CFAP43: variants seen among roughly 807,000 people sequenced by gnomAD.
CFAP43 encodes cilia and flagella associated protein 43.
A neutral mutation model predicts 218.9 loss-of-function variants in CFAP43; 155 were observed. The observed-to-expected ratio is 0.71, with a 90% CI of 0.62 to 0.81. The LOEUF (loss-of-function observed/expected upper bound fraction) is 0.81, where lower values mean the gene tolerates loss of function less well. Among genes scored for constraint, CFAP43 ranks in the 30% least tolerant of loss-of-function variants. The pLI is 0.00. For missense variants in CFAP43, 1,778 were observed against 1,954.3 expected (o/e 0.91, Z 1.70); for synonymous variants, 645 against 681.3 (o/e 0.95, Z 0.83).
chr10:104,168,901 A>C, intron 20 of CFAP43, 53 bp from the exon 21 acceptor site: 1 of 1,401,092 alleles, frequency 7.1e-7, no homozygotes, highest in East Asian at 2.3e-5. Context: ...TGGACTCAGA[A>C]ATAATAATCT....
chr10:104,196,268 T>C (rs188888385), intron 10 of CFAP43, among the ~76,000 whole-genome samples: 5 of 152,364 alleles, frequency 3.3e-5, no homozygotes, highest in East Asian at 1.9e-4. Context: ...TTATAGTTGA[T>C]TGTGCCAATA....
At position 104,215,109 on chromosome 10, in the gene CFAP43, T is replaced by G. The variant is rs1317285962; in HGVS notation, c.417-683A>C. On this transcript the variant is annotated intron_variant, in intron 3 of 37. Coordinates refer to ENST00000357060, the MANE Select transcript of CFAP43 (RefSeq NM_025145.7). ...AAGATTGTGCCACTGCACTCCAGCC[T>G]GGGCAACAGAGCAAGACTCCATCTC... 2.0e-5 allele frequency among the ~76,000 whole-genome samples: 3 copies of G among 151,726 alleles called. No homozygotes were observed. In the East Asian group the frequency reaches 5.8e-4, roughly 29 times the overall value.
At chr10:104,139,467 A>C (rs1396095632) in intron 34 of CFAP43, among the ~76,000 whole-genome samples, 1 of 152,228 alleles carries the variant, frequency 6.6e-6, no homozygotes, top group African/African-American at 2.4e-5. Flanking sequence ...AAACAAATAA[A>C]AAATCTCAAA....
At chr10:104,142,433 G>T in intron 32 of CFAP43, 40 bp from the exon 33 acceptor site, 2 of 1,518,788 alleles carry the variant, frequency 1.3e-6, no homozygotes, top group Non-Finnish European at 1.8e-6. Context: ...AACATATGGA[G>T]CTTCAATTTT....
Position 104,193,907 on chromosome 10 carries a change from C to T in CFAP43, c.1401G>A (p.Val467=), listed in dbSNP as rs765634377. The change falls in exon 11 of 38, where the codon GTG becomes GTA. Residue 467 remains valine (V), a synonymous_variant. Coordinates refer to ENST00000357060, the MANE Select transcript of CFAP43 (RefSeq NM_025145.7). Reference sequence around the variant, plus strand: ...ACGATTCCGAGAGAAAGGCCTTGTGCACGACCTGAGGGGATTCCTTATCAT... The same window carrying T: ...ACGATTCCGAGAGAAAGGCCTTGTGTACGACCTGAGGGGATTCCTTATCAT... ...SVYDKESPQV[V]HKAFLSESSV... is the part of the protein sequence containing the mutation. 1 of 1,614,106 alleles carries T rather than the reference C, an allele frequency of 6.2e-7. No individual in the cohort carries two copies.
In CFAP43 at chr10:104,130,199, T is replaced by C; in HGVS notation, c.4938A>G (p.Ile1646Met). Residue 1646 changes from isoleucine (I) to methionine (M), a missense_variant, in exon 38 of 38, where the codon ATA becomes ATG. Transcript: ENST00000357060. ...TTAATCTTTCAACTTCAGTCTGTAG[T>C]ATTGAAATCTGTTCAGCTTGTTGTT... ...ISKQQAEQIS[I>M]LQTEVERLRM... 6.2e-7 allele frequency: 1 copy of C among 1,612,248 alleles called. No homozygotes were observed. The highest frequency in any genetic ancestry group is 2.2e-5 in the East Asian group (1 of 44,784).
chr10:104,211,972 C>A, intron 5 of CFAP43, 35 bp downstream of exon 5: 1 of 1,602,570 alleles, frequency 6.2e-7, no homozygotes, highest in South Asian at 1.1e-5. Flanking sequence ...GACCTCAACC[C>A]ATTAGGCAAA....
intron 19 of CFAP43, among the ~76,000 whole-genome samples, chr10:104,177,480 T>C (rs1465901659): frequency 1.3e-5 from 2 of 152,200 alleles, no homozygotes; most frequent in Admixed American, 6.5e-5. Flanking sequence ...CCCTGCAATC[T>C]GAGCCCCAAG....
Position 104,167,704 on chromosome 10 carries a change from G to C in CFAP43, c.2725C>G (p.Pro909Ala). The C allele has an allele frequency of 6.2e-7, 1 of 1,610,004 alleles. No homozygotes were observed. Among genetic ancestry groups the C allele is most frequent in the Non-Finnish European group, 8.5e-7 (1 of 1,178,778 alleles). The change falls in exon 22 of 38, where the codon CCG (proline) becomes GCG (alanine). Residue 909 changes from proline to alanine, a missense_variant. Pro to Ala is a conservative substitution (Grantham distance 27). This residue lies in a region of CFAP43 where 1,553 missense variants were observed against 1,685.2 expected (regional missense o/e 0.92). Transcript: ENST00000357060. ...TCTTCAACCGTGCGCGCTTTCATCG[G>C]GAAGTTTTCAACCACACAGGGGATA... The part of the protein sequence containing the change: ...FHIPCVVENF[P>A]MKARTVEELK...
At chr10:104,202,748 T>C (rs950841770) in intron 8 of CFAP43, among the ~76,000 whole-genome samples, 4 of 152,094 alleles carry the variant, frequency 2.6e-5, no homozygotes, top group African/African-American at 4.8e-5. Flanking sequence ...ATGATATCTT[T>C]TTCCTAGTTT....
intron 11 of CFAP43, chr10:104,192,550 A>T (rs776305576): frequency 9.6e-6 from 4 of 418,818 alleles, no homozygotes; most frequent in Non-Finnish European, 1.7e-5. Flanking sequence ...AAAGATGGGC[A>T]GTTGGTTCAT....
intron 36 of CFAP43, 30 bp downstream of exon 36, chr10:104,132,086 G>A: frequency 6.7e-7 from 1 of 1,496,666 alleles, no homozygotes; most frequent in Non-Finnish European, 9.1e-7. Flanking sequence ...CAACTGTTAG[G>A]ATATAATAAC....
chr10:104,224,452 C>A (rs142600474), intron 3 of CFAP43, among the ~76,000 whole-genome samples: 1 of 151,946 alleles, frequency 6.6e-6, no homozygotes, highest in Non-Finnish European at 1.5e-5. Flanking sequence ...AGTTATACCT[C>A]AATAAAGCTG....
At chr10:104,160,897 T>C in intron 27 of CFAP43, 140 bp downstream of exon 27, 5 of 814,726 alleles carry the variant, frequency 6.1e-6, no homozygotes, top group Non-Finnish European at 8.7e-6. Flanking sequence ...TCCACTTACT[T>C]CTCCAAATTC....
At chr10:104,206,823 G>T (rs924334163) in intron 6 of CFAP43, among the ~76,000 whole-genome samples, 4 of 152,152 alleles carry the variant, frequency 2.6e-5, no homozygotes, top group Non-Finnish European at 5.9e-5. Flanking sequence ...AGCTGATAGG[G>T]TCAGGAATAG....
chr10:104,132,065 C>G (rs2087220155), intron 36 of CFAP43, 51 bp downstream of exon 36: 1 of 1,378,044 alleles, frequency 7.3e-7, no homozygotes, highest in African/African-American at 1.5e-5. Context: ...TTACTTTGCT[C>G]AAATGATTTA....
intron 3 of CFAP43, among the ~76,000 whole-genome samples, chr10:104,215,517 C>T (rs2090989330): frequency 6.6e-6 from 1 of 152,108 alleles, no homozygotes; most frequent in South Asian, 2.1e-4. Flanking sequence ...ACCGTCATCC[C>T]TGGATGGAGA....
chr10:104,226,487 C>T (rs371065699), intron 2 of CFAP43, among the ~76,000 whole-genome samples: 128 of 152,046 alleles, frequency 8.4e-4, no homozygotes, highest in African/African-American at 2.6e-3. Context: ...GCTAAACAGA[C>T]GTTTCCCCCC....
chr10:104,180,698 G>T (rs2089805641), intron 17 of CFAP43, among the ~76,000 whole-genome samples: 1 of 151,990 alleles, frequency 6.6e-6, no homozygotes, highest in Non-Finnish European at 1.5e-5. Context: ...GCCCACCTCG[G>T]CCTCCCAAAG....
Sources: allele counts gnomAD v4.1 joint callset (sites outside exome capture counted in the v4.1 genomes callset), GRCh38; gene constraint gnomAD v4.1.1; regional missense constraint gnomAD v4.1.1; transcripts MANE v1.5; gene names NCBI Gene and HGNC (gene_info 2026-07-23, HGNC 2026-07-21).